PCDHGA6: variants seen among roughly 807,000 people sequenced by gnomAD.
PCDHGA6 encodes protocadherin gamma-A6.
In PCDHGA6, 41 loss-of-function variants were observed where a neutral mutation model predicts 60.6. The observed-to-expected ratio is 0.68, with a 90% CI of 0.53 to 0.88. The LOEUF is 0.88. Ranked by LOEUF, PCDHGA6 falls within the 40% of genes least tolerant of loss-of-function variation. The probability of loss-of-function intolerance (pLI) is 0.00; values close to 1 mark genes in which losing one functional copy is unlikely to be tolerated. For synonymous variants in PCDHGA6, 594 were observed against 524.4 expected (o/e 1.13, Z -1.81); for missense variants, 1,312 against 1,203.0 (o/e 1.09, Z -1.34).
chr5:141,409,238 G>A (rs2095245468), intron 1 of PCDHGA6: 1 of 1,614,002 alleles, frequency 6.2e-7, no homozygotes, highest in Non-Finnish European at 8.5e-7. Flanking sequence ...CAACAGCCCA[G>A]AAATAATCAT....
chr5:141,492,078 C>T (rs948391194), intron 1 of PCDHGA6: 4 of 483,290 alleles, frequency 8.3e-6, no homozygotes, highest in African/African-American at 2.0e-5. Flanking sequence ...GCGCCGGCTC[C>T]GGCACGCTTC....
chr5:141,415,605 G>GGT, intron 1 of PCDHGA6: 1 of 1,613,122 alleles, frequency 6.2e-7, no homozygotes. Context: ...ATACCCCATT[G>GGT]GTTCCAGTGA....
intron 2 of PCDHGA6, among the ~76,000 whole-genome samples, chr5:141,503,700 C>G (rs2099828974): frequency 6.6e-6 from 1 of 152,016 alleles, no homozygotes; most frequent in Non-Finnish European, 1.5e-5. Flanking sequence ...GAGATTCCTG[C>G]TTTCCCCTTC....
At chr5:141,474,658 A>G (rs950490550) in intron 1 of PCDHGA6, among the ~76,000 whole-genome samples, 13 of 152,176 alleles carry the variant, frequency 8.5e-5, no homozygotes, top group African/African-American at 3.1e-4. Flanking sequence ...CTTCTTTTCT[A>G]CCTACCTAAC....
rs75309884 is a variant in PCDHGA6, at chr5:141,382,670, T to C, written c.2424+6163T>C. On this transcript the variant is annotated intron_variant, in intron 1 of 3. Coordinates refer to ENST00000517434, the MANE Select transcript of PCDHGA6 (RefSeq NM_018919.3). ...TTAGTAAGGACTCACAGCGCCGCTG[T>C]TCACCAACCAGGGAAAAATGGTGCG... 662 of 433,180 alleles carry C rather than the reference T, an allele frequency of 1.5e-3. 2 individuals are homozygous for C. Among genetic ancestry groups the C allele is most frequent in the Non-Finnish European group, 2.1e-3 (522 of 246,008 alleles). 26.8% of individuals were successfully genotyped at this position (433,180 alleles called of 1,614,324 possible).
intron 1 of PCDHGA6, chr5:141,413,709 C>T (rs998398149): frequency 2.4e-5 from 39 of 1,613,536 alleles, no homozygotes; most frequent in Non-Finnish European, 3.3e-5. Flanking sequence ...AGCTCAGCCC[C>T]AATAAGCACT....
intron 1 of PCDHGA6, chr5:141,478,920 CCAGTGG>C: frequency 2.7e-6 from 2 of 728,392 alleles, no homozygotes; most frequent in South Asian, 4.5e-5. Flanking sequence ...ATACCTCTAA[CCAGTGG>C]CAGCTTCTAG....
chr5:141,478,631 A>G (rs781339775), intron 1 of PCDHGA6: 1 of 1,553,196 alleles, frequency 6.4e-7, no homozygotes, highest in Non-Finnish European at 8.7e-7. Context: ...CTGTTTTTTT[A>G]GTGATGAAGA....
intron 1 of PCDHGA6, chr5:141,400,039 C>T: frequency 6.2e-7 from 1 of 1,613,512 alleles, no homozygotes; most frequent in Non-Finnish European, 8.5e-7. Context: ...CCGCCAGCGC[C>T]TGCTGGTTGC....
chr5:141,472,980 C>CAAAAAAAAAAAAAAAAAAAGAAAAAAAAA (rs60579131), intron 1 of PCDHGA6, among the ~76,000 whole-genome samples: 1 of 86,106 alleles, frequency 1.2e-5, no homozygotes, highest in Admixed American at 1.2e-4. Context: ...GAGTGAAACT[C>CAAAAAAAAAAAAAAAAAAAGAAAAAAAAA]AAAAAAAAAA....
chr5:141,432,421 C>T lies in PCDHGA6; in HGVS notation c.2424+55914C>T, dbSNP rs771647620. 10 of 1,614,126 alleles carry T rather than the reference C, an allele frequency of 6.2e-6. No homozygotes were observed. In the African/African-American group the frequency reaches 1.2e-4, roughly 19 times the overall value. ...TGTCGTTGAGCCTGTTCGTGCTGGA[C>T]CAGAACGACAATGCGCCCGAGATCC... On this transcript the variant is annotated intron_variant, in intron 1 of 3. Transcript: ENST00000517434. This position sits in a 1 kb window ranked among gnomAD's most constrained non-coding sequence, Gnocchi z 6.0.
chr5:141,400,133 C>T, intron 1 of PCDHGA6: 1 of 1,614,066 alleles, frequency 6.2e-7, no homozygotes, highest in Non-Finnish European at 8.5e-7. Context: ...GAGGTGCTGC[C>T]GGATATCACT....
At chr5:141,465,779 G>GTT (rs879859429) in intron 1 of PCDHGA6, among the ~76,000 whole-genome samples, 3 of 145,118 alleles carry the variant, frequency 2.1e-5, no homozygotes, top group Non-Finnish European at 3.0e-5. Context: ...TCTTGTTACA[G>GTT]TTTTTTTTTT....
chr5:141,383,633 C>T (rs1298423457), intron 1 of PCDHGA6: 1 of 1,613,966 alleles, frequency 6.2e-7, no homozygotes. Context: ...TTCTCTCTGC[C>T]TCAGTACCAA....
intron 1 of PCDHGA6, among the ~76,000 whole-genome samples, chr5:141,466,063 A>G (rs554503713): frequency 3.3e-5 from 5 of 152,268 alleles, no homozygotes; most frequent in Admixed American, 6.5e-5. Context: ...CGGAGCTTGC[A>G]GTGAGCTGAT....
At position 141,375,547 on chromosome 5, in the gene PCDHGA6, C is replaced by T. The variant is rs1261585486; in HGVS notation, c.1464C>T (p.Ser488=). ...ACGTGGACCAGAACGCCCAAGTCTC[C>T]TACTCACTGGCAGAAGACACCCTCC... is the stretch of plus-strand genomic sequence containing the variant. ...DPDVDQNAQV[S]YSLAEDTLQG... The change falls in exon 1 of 4, where the codon TCC becomes TCT. Residue 488 remains serine (S), a synonymous_variant. Coordinates refer to ENST00000517434, the MANE Select transcript of PCDHGA6 (RefSeq NM_018919.3). 6 of 1,613,922 alleles carry T rather than the reference C, an allele frequency of 3.7e-6. No individual in the cohort carries two copies. In the African/African-American group the frequency reaches 8.0e-5, roughly 22 times the overall value.
intron 1 of PCDHGA6, chr5:141,383,403 G>A: frequency 6.2e-7 from 1 of 1,614,000 alleles, no homozygotes; most frequent in Non-Finnish European, 8.5e-7. Flanking sequence ...ACTCCCTCCA[G>A]AGTTACCAGC....
chr5:141,497,793 G>A (rs2099779480), intron 2 of PCDHGA6, among the ~76,000 whole-genome samples: 1 of 152,180 alleles, frequency 6.6e-6, no homozygotes, highest in Admixed American at 6.5e-5. Flanking sequence ...ACCTGCTTCA[G>A]CTTCCCAAAG....
At position 141,489,180 on chromosome 5, in the gene PCDHGA6, C is replaced by G. The variant is rs942218118; in HGVS notation, c.2425-5627C>G. On this transcript the variant is annotated intron_variant, in intron 1 of 3. Transcript: ENST00000517434. This position sits in a 1 kb window ranked among gnomAD's most constrained non-coding sequence, Gnocchi z 4.5. ...GACTTCAGCTGCTGCATTCCAAGCC[C>G]TGGGTCTACCTTGGAGACAGGACAG... The G allele has an allele frequency of 1.8e-5, 23 of 1,259,630 alleles. No homozygotes were observed. In the South Asian group the frequency reaches 3.0e-4, roughly 17 times the overall value. The allele number at this position is 1,259,630 out of a possible 1,614,324, so 78.0% of individuals were successfully genotyped here.
Sources: gnomAD v4.1 joint callset for allele counts (sites outside exome capture counted in the v4.1 genomes callset) on GRCh38, gnomAD v4.1.1 for gene constraint, Gnocchi (gnomAD v3.1) non-coding constraint, MANE v1.5 for transcripts, NCBI Gene and HGNC (gene_info 2026-07-23, HGNC 2026-07-21) for gene names.